The following CCDC192 variants were observed in gnomAD, a reference collection of about 807,000 sequenced individuals.
CCDC192 encodes coiled-coil domain containing 192.
intron 5 of CCDC192, among the ~76,000 whole-genome samples, chr5:127,832,246 C>T (rs979573088): frequency 4.6e-5 from 7 of 152,122 alleles, no homozygotes; most frequent in African/African-American, 1.7e-4. Context: ...GGCTTCAATA[C>T]TAGAGAAGAA....
chr5:127,756,713 C>A (rs1420859439), intron 3 of CCDC192, among the ~76,000 whole-genome samples: 2 of 152,224 alleles, frequency 1.3e-5, no homozygotes, highest in Non-Finnish European at 2.9e-5. Context: ...GCAGATTGGA[C>A]CCCAGGCAAG....
chr5:127,765,086 G>A lies in CCDC192; in HGVS notation c.222+10711G>A, dbSNP rs977964406. 1.5e-4 allele frequency among the ~76,000 whole-genome samples: 23 copies of A among 152,162 alleles called. 1 individual carries two copies. Among genetic ancestry groups the A allele is most frequent in the Non-Finnish European group, 2.9e-5 (2 of 68,036 alleles). ...CTAGTACAGAGGTCTTCAAAATTTT[G>A]TCCAGCAGGTCCCTTGGAGGTTCCT... On this transcript the variant is annotated intron_variant, in intron 3 of 6. Transcript: ENST00000514853.
At position 127,804,358 on chromosome 5, in the gene CCDC192, TA is replaced by T. The variant is rs1415935388; in HGVS notation, c.411+6197del. 2.6e-5 allele frequency among the ~76,000 whole-genome samples: 4 copies of T among 152,322 alleles called. 1 individual carries two copies. In the East Asian group the frequency reaches 7.7e-4, roughly 29 times the overall value. On this transcript the variant is annotated intron_variant, in intron 5 of 6. Transcript: ENST00000514853. Reference sequence around the variant, plus strand: ...TCATTCAAAGAACTCTGTCAGCTACTAGCTGAGGAGTGGACATGTGCCAACT... The same window carrying T: ...TCATTCAAAGAACTCTGTCAGCTACTGCTGAGGAGTGGACATGTGCCAACT...
chr5:127,789,884 C>T (rs985045711), intron 3 of CCDC192, among the ~76,000 whole-genome samples: 1 of 152,200 alleles, frequency 6.6e-6, no homozygotes, highest in African/African-American at 2.4e-5. Context: ...TCACCTGGAG[C>T]CATGAGAGCA....
At chr5:127,808,321 A>G (rs998849371) in intron 5 of CCDC192, among the ~76,000 whole-genome samples, 3 of 151,926 alleles carry the variant, frequency 2.0e-5, no homozygotes, top group South Asian at 2.1e-4. Context: ...CTCACTTAGT[A>G]TATCTACCTT....
At chr5:127,834,357 T>C (rs918237408) in intron 5 of CCDC192, among the ~76,000 whole-genome samples, 1 of 152,188 alleles carries the variant, frequency 6.6e-6, no homozygotes, top group Admixed American at 6.6e-5. Flanking sequence ...AACCACTCCT[T>C]TGAGTTACTC....
chr5:127,711,110 A>C (rs1751307169), intron 2 of CCDC192, among the ~76,000 whole-genome samples: 2 of 152,212 alleles, frequency 1.3e-5, no homozygotes, highest in African/African-American at 4.8e-5. Flanking sequence ...GCTCCCTCTG[A>C]ACTATTTCTG....
intron 3 of CCDC192, among the ~76,000 whole-genome samples, chr5:127,795,058 C>T (rs965254362): frequency 6.6e-6 from 1 of 151,886 alleles, no homozygotes; most frequent in Non-Finnish European, 1.5e-5. Flanking sequence ...TTTGGGAGGC[C>T]GAGGCGGGCG....
intron 6 of CCDC192, among the ~76,000 whole-genome samples, chr5:127,919,073 A>G (rs112491822): frequency 0.026 from 3,600 of 137,390 alleles, 145 homozygotes; most frequent in African/African-American, 0.086. Context: ...GTGTGTATAT[A>G]TGTGTGTGTG....
At chr5:127,858,379 C>T (rs1751196428) in intron 5 of CCDC192, among the ~76,000 whole-genome samples, 1 of 152,174 alleles carries the variant, frequency 6.6e-6, no homozygotes. Flanking sequence ...GCTCTTTTCT[C>T]CCTGCATTAC....
chr5:127,898,486 G>A (rs1221764523), intron 6 of CCDC192, among the ~76,000 whole-genome samples: 1 of 152,156 alleles, frequency 6.6e-6, no homozygotes, highest in Middle Eastern at 3.2e-3. Flanking sequence ...AAGCTTGTTT[G>A]TAGGTGTAGT....
chr5:127,786,937 T>A, intron 3 of CCDC192: 1 of 406,196 alleles, frequency 2.5e-6, no homozygotes, highest in Non-Finnish European at 4.8e-6. Context: ...CTGGTCATGC[T>A]GTGCCACATG....
At chr5:127,786,855 C>A in intron 3 of CCDC192, 1 of 505,150 alleles carries the variant, frequency 2.0e-6, no homozygotes, top group Admixed American at 2.7e-5. Context: ...TCTGGCTCCT[C>A]ATGCTTGGTT....
intron 6 of CCDC192, among the ~76,000 whole-genome samples, chr5:127,886,250 T>C (rs371536481): frequency 1.3e-5 from 2 of 152,210 alleles, no homozygotes; most frequent in African/African-American, 2.4e-5. Context: ...TCAAGACATG[T>C]TCCGGGGCTA....
At position 127,867,258 on chromosome 5, in the gene CCDC192, A is replaced by G. The variant is rs538813395; in HGVS notation, c.412-8280A>G. On this transcript the variant is annotated intron_variant, in intron 5 of 6. Transcript: ENST00000514853. The stretch of plus-strand genomic sequence containing the variant: ...AGTCACAGATGGCCAATAGCTATTA[A>G]TTTTCTTCTGGAAGACAGCTTCAGT... 3.9e-5 allele frequency among the ~76,000 whole-genome samples: 6 copies of G among 152,266 alleles called. No homozygotes were observed. In the South Asian group the frequency reaches 1.2e-3, roughly 32 times the overall value.
chr5:127,802,166 C>T (rs1256485558), intron 5 of CCDC192, among the ~76,000 whole-genome samples: 6 of 152,156 alleles, frequency 3.9e-5, no homozygotes, highest in Non-Finnish European at 8.8e-5. Flanking sequence ...TATCCGTTAC[C>T]CACTAGACTC....
chr5:127,795,188 A>T (rs1397263586), intron 3 of CCDC192, among the ~76,000 whole-genome samples: 5 of 150,678 alleles, frequency 3.3e-5, no homozygotes, highest in African/African-American at 1.2e-4. Flanking sequence ...TACTCAGGAG[A>T]CTGAGGTGGG....
chr5:127,814,351 G>A (rs1321932786), intron 5 of CCDC192, among the ~76,000 whole-genome samples: 1 of 152,130 alleles, frequency 6.6e-6, no homozygotes, highest in Admixed American at 6.6e-5. Flanking sequence ...TGAGCCCATG[G>A]GCATGTTTCC....
chr5:127,832,327 G>A (rs752350812), intron 5 of CCDC192, among the ~76,000 whole-genome samples: 5 of 152,164 alleles, frequency 3.3e-5, no homozygotes, highest in Admixed American at 6.5e-5. Context: ...GAGCCATGAG[G>A]CAAACTCGGA....
Sources: gnomAD v4.1 joint callset for allele counts (sites outside exome capture counted in the v4.1 genomes callset) on GRCh38, gnomAD v4.1.1 for gene constraint, MANE v1.5 for transcripts, NCBI Gene and HGNC (gene_info 2026-07-23, HGNC 2026-07-21) for gene names.